The following TPD52 variants were observed in gnomAD, a reference collection of about 807,000 sequenced individuals.
TPD52 encodes the protein tumor protein D52.
A neutral mutation model predicts 31.3 loss-of-function variants in TPD52; 17 were observed. The ratio of observed to expected loss-of-function variants is 0.54; its 90% CI spans 0.37 to 0.82. The LOEUF is 0.82. TPD52 is among the 40% of genes least tolerant of loss of function. The probability of loss-of-function intolerance (pLI) is 0.00; values close to 1 mark genes in which losing one functional copy is unlikely to be tolerated. For synonymous variants in TPD52, 83 were observed against 89.6 expected (o/e 0.93, Z 0.42); for missense variants, 212 against 240.1 (o/e 0.88, Z 0.77).
chr8:80,045,762 T>C (rs58318860), intron 5 of TPD52, among the ~76,000 whole-genome samples: 32,008 of 152,186 alleles, frequency 0.21, 8,728 homozygotes, highest in African/African-American at 0.64. Flanking sequence ...GGCCTTGCTT[T>C]CTTTTCTCTC....
rs1432004794 is a variant in TPD52 at position 80,094,683 on chromosome 8, A to G, written c.20-30090T>C. 7.3e-5 allele frequency among the ~76,000 whole-genome samples: 11 copies of G among 151,510 alleles called. No individual in the cohort carries two copies. The Middle Eastern group carries it at 0.01, about 142-fold the overall frequency. ...ATGGTTACACAATGATGTGAATATG[A>G]TGAATACAACTGAACTGTATACTTA... On this transcript the variant is annotated intron_variant, in intron 1 of 7. Coordinates refer to ENST00000518937, the MANE Select transcript of TPD52 (RefSeq NM_001025253.3).
intron 1 of TPD52, among the ~76,000 whole-genome samples, chr8:80,114,900 A>G (rs1807753878): frequency 6.6e-6 from 1 of 152,178 alleles, no homozygotes. Flanking sequence ...GCCAAGTGCC[A>G]TCTTCCATGC....
chr8:80,149,272 A>G (rs944613854), intron 1 of TPD52, among the ~76,000 whole-genome samples: 7 of 152,044 alleles, frequency 4.6e-5, no homozygotes, highest in African/African-American at 1.7e-4. Context: ...TGGTTTTATA[A>G]AGGTTTTATA....
chr8:80,125,409 C>T (rs1808535507), intron 1 of TPD52, among the ~76,000 whole-genome samples: 1 of 152,170 alleles, frequency 6.6e-6, no homozygotes, highest in African/African-American at 2.4e-5. Context: ...CAGAGAGACA[C>T]TGTCCCATTA....
intron 1 of TPD52, among the ~76,000 whole-genome samples, chr8:80,105,281 C>T (rs141164722): frequency 0.016 from 2,460 of 152,182 alleles, 70 homozygotes; most frequent in African/African-American, 0.057. Flanking sequence ...AAATGAAATC[C>T]ACAGGCAGAC....
intron 1 of TPD52, among the ~76,000 whole-genome samples, chr8:80,091,903 G>C (rs78073145): frequency 0.067 from 10,227 of 152,280 alleles, 873 homozygotes; most frequent in African/African-American, 0.2. Context: ...AAGTTTGCCT[G>C]AGGATGAAAG....
intron 1 of TPD52, among the ~76,000 whole-genome samples, chr8:80,151,106 A>T (rs1810539758): frequency 6.6e-6 from 1 of 152,100 alleles, no homozygotes; most frequent in East Asian, 1.9e-4. Flanking sequence ...TGTTCTTGTG[A>T]TGGTGAATAA....
At chr8:80,053,148 A>G in intron 3 of TPD52, 134 bp downstream of exon 3, 1 of 946,098 alleles carries the variant, frequency 1.1e-6, no homozygotes. Flanking sequence ...TGAAAATCAG[A>G]AAAAAAGGGT....
At chr8:80,096,478 C>G (rs1215021350) in intron 1 of TPD52, among the ~76,000 whole-genome samples, 2 of 152,134 alleles carry the variant, frequency 1.3e-5, no homozygotes, top group Non-Finnish European at 1.5e-5. Flanking sequence ...CATTGCACTT[C>G]ACAGTATGTT....
intron 4 of TPD52, 127 bp downstream of exon 4, chr8:80,051,400 G>A: frequency 1.2e-6 from 1 of 805,050 alleles, no homozygotes; most frequent in Non-Finnish European, 2.0e-6. Flanking sequence ...GTTTGAAGGA[G>A]TGCCCTCCCT....
At chr8:80,122,023 G>GAAAA (rs3053827) in intron 1 of TPD52, among the ~76,000 whole-genome samples, 1 of 146,028 alleles carries the variant, frequency 6.8e-6, no homozygotes. Flanking sequence ...ACCTTCAAAA[G>GAAAA]AAAAAAAAAA....
intron 1 of TPD52, among the ~76,000 whole-genome samples, chr8:80,142,852 C>T (rs1208731782): frequency 1.3e-5 from 2 of 152,164 alleles, no homozygotes; most frequent in Admixed American, 1.3e-4. Flanking sequence ...GACTGTTGTG[C>T]CCAGAATCCA....
chr8:80,062,729 G>A (rs1812685894), intron 2 of TPD52, among the ~76,000 whole-genome samples: 1 of 152,150 alleles, frequency 6.6e-6, no homozygotes, highest in Non-Finnish European at 1.5e-5. Flanking sequence ...TTGGGAGGCT[G>A]AGGTGGGAGG....
chr8:80,047,978 G>C (rs1811031042), intron 5 of TPD52, among the ~76,000 whole-genome samples: 1 of 152,116 alleles, frequency 6.6e-6, no homozygotes, highest in Non-Finnish European at 1.5e-5. Flanking sequence ...GTTTAACCCT[G>C]GCACTGACTG....
At chr8:80,049,307 A>G (rs1676797200) in intron 5 of TPD52, among the ~76,000 whole-genome samples, 1 of 152,158 alleles carries the variant, frequency 6.6e-6, no homozygotes, top group African/African-American at 2.4e-5. Context: ...CACAGTAGAC[A>G]CTCTAAATGT....
At chr8:80,091,227 T>C (rs1281697172) in intron 1 of TPD52, among the ~76,000 whole-genome samples, 1 of 152,092 alleles carries the variant, frequency 6.6e-6, no homozygotes, top group Non-Finnish European at 1.5e-5. Context: ...TCCCAGCACT[T>C]TGGGAGGCTG....
chr8:80,145,958 A>T (rs942433245), intron 1 of TPD52, among the ~76,000 whole-genome samples: 3 of 152,244 alleles, frequency 2.0e-5, no homozygotes, highest in African/African-American at 7.2e-5. Flanking sequence ...TTGGCAAAAC[A>T]AGGAGTAGAC....
chr8:80,113,722 T>A (rs1392742533), intron 1 of TPD52, among the ~76,000 whole-genome samples: 1 of 152,024 alleles, frequency 6.6e-6, no homozygotes, highest in Non-Finnish European at 1.5e-5. Flanking sequence ...CTAAAAAAAA[T>A]GTGGCCTCAT....
chr8:80,171,381 C>T (rs543375087), intron 1 of TPD52, 44 bp downstream of exon 1: 1 of 1,584,138 alleles, frequency 6.3e-7, no homozygotes. Flanking sequence ...AGTCCAAGCC[C>T]GAGTCCAAGC....
Sources: gnomAD v4.1 joint callset for allele counts (sites outside exome capture counted in the v4.1 genomes callset) on GRCh38, gnomAD v4.1.1 for gene constraint, MANE v1.5 for transcripts, NCBI Gene and HGNC (gene_info 2026-07-23, HGNC 2026-07-21) for gene names.